The following XKR6 variants were observed in gnomAD, a reference collection of about 807,000 sequenced individuals.
The protein encoded by XKR6 is XK-related protein 6.
In XKR6, 22 loss-of-function variants were observed where a neutral mutation model predicts 56.7. That is an observed-to-expected ratio of 0.39 (90% CI 0.28 to 0.55). The LOEUF is 0.55. Ranked by LOEUF, XKR6 falls within the 20% of genes least tolerant of loss-of-function variation. The pLI is 0.66. For missense variants in XKR6, 852 were observed against 889.0 expected, an observed-to-expected ratio of 0.96 and a Z score of 0.53; for synonymous variants, 524 against 387.8, an observed-to-expected ratio of 1.35 and a Z score of -4.13.
chr8:10,984,728 CTCTCTATA>C (rs1281810594), intron 1 of XKR6, among the ~76,000 whole-genome samples: 8 of 66,852 alleles, frequency 1.2e-4, no homozygotes, highest in East Asian at 4.6e-4. Context: ...CTCTCTCTCT[CTCTCTATA>C]TATATATATA....
chr8:11,132,428 G>A (rs1469469391), intron 1 of XKR6, among the ~76,000 whole-genome samples: 2 of 151,306 alleles, frequency 1.3e-5, no homozygotes, highest in Admixed American at 6.6e-5. Context: ...GTGCAATCTC[G>A]GATCGCTCAC....
Position 11,123,009 on chromosome 8 carries a change from G to C in XKR6, c.764+77567C>G, listed in dbSNP as rs567442390. ...CCCAGCACTTTGGGAGGCCGAGGTG[G>C]GTGGATCACCTGAAATCAGGAGTTC... On this transcript the variant is annotated intron_variant, in intron 1 of 2. Transcript: ENST00000416569. Among the ~76,000 whole-genome samples the C allele has an allele frequency of 5.5e-4, 84 of 152,132 alleles. 3 individuals carry two copies. The highest frequency in any genetic ancestry group is 3.4e-3 in the Middle Eastern group (1 of 294).
At position 11,201,258 on chromosome 8, in the gene XKR6, C is replaced by T. The variant is rs1324481328; in HGVS notation, c.82G>A (p.Gly28Ser). 2 of 1,573,296 alleles carry T rather than the reference C, an allele frequency of 1.3e-6. No individual in the cohort carries two copies. The highest frequency in any genetic ancestry group is 1.7e-6 in the Non-Finnish European group (2 of 1,170,058). Residue 28 changes from glycine to serine, a missense_variant, in exon 1 of 3, where the codon GGC (glycine) becomes AGC (serine). Coordinates refer to ENST00000416569, the MANE Select transcript of XKR6 (RefSeq NM_173683.4). ...HNLDEAVGSG[G>S]EEDGEPGGGG... ...CCCCCGGGCTCCCCGTCCTCCTCGC[C>T]GCCGCTGCCCACCGCCTCGTCCAGG...
At chr8:11,044,114 T>C (rs1258282364) in intron 1 of XKR6, among the ~76,000 whole-genome samples, 1 of 152,224 alleles carries the variant, frequency 6.6e-6, no homozygotes, top group Non-Finnish European at 1.5e-5. Flanking sequence ...CTGATTTCAG[T>C]AACTTTCTCC....
chr8:11,152,345 T>C (rs1586622021), intron 1 of XKR6, among the ~76,000 whole-genome samples: 1 of 152,220 alleles, frequency 6.6e-6, no homozygotes, highest in Non-Finnish European at 1.5e-5. Flanking sequence ...CATCTGGGCA[T>C]GTTGCTGGCC....
intron 1 of XKR6, among the ~76,000 whole-genome samples, chr8:11,067,902 C>T (rs1012697274): frequency 1.3e-5 from 2 of 152,240 alleles, no homozygotes; most frequent in African/African-American, 2.4e-5. Context: ...TGACTGCAGC[C>T]GCGCCCATGC....
chr8:11,055,940 A>T (rs1799672613), intron 1 of XKR6, among the ~76,000 whole-genome samples: 1 of 152,094 alleles, frequency 6.6e-6, no homozygotes, highest in African/African-American at 2.4e-5. Flanking sequence ...CAGGCAAACT[A>T]ATTTCAAGTA....
At chr8:10,927,369 C>A (rs1269830639) in intron 1 of XKR6, among the ~76,000 whole-genome samples, 1 of 152,116 alleles carries the variant, frequency 6.6e-6, no homozygotes, top group East Asian at 1.9e-4. Flanking sequence ...CCAAACCCGG[C>A]TCTCTCAACA....
At chr8:11,122,976 C>T (rs758299245) in intron 1 of XKR6, among the ~76,000 whole-genome samples, 21 of 152,270 alleles carry the variant, frequency 1.4e-4, no homozygotes, top group South Asian at 2.1e-4. Context: ...GTGGCTCACG[C>T]CTGTAATCCC....
At chr8:10,970,525 C>G (rs1228079687) in intron 1 of XKR6, among the ~76,000 whole-genome samples, 1 of 151,854 alleles carries the variant, frequency 6.6e-6, no homozygotes, top group African/African-American at 2.4e-5. Context: ...CTGTCACAGC[C>G]CAGAAATGCC....
At chr8:11,038,497 TTGTGTGTGTGTGTGTGTGTGTGTGTGTG>T (rs34388531) in intron 1 of XKR6, among the ~76,000 whole-genome samples, 1 of 130,124 alleles carries the variant, frequency 7.7e-6, no homozygotes, top group African/African-American at 2.9e-5. Context: ...TGTAGTCATT[TTGTGTGTGTGTGTGTGTGTGTGTGTGTG>T]TGTGTGTGTG....
At chr8:10,997,199 A>G (rs1156631981) in intron 1 of XKR6, among the ~76,000 whole-genome samples, 3 of 152,184 alleles carry the variant, frequency 2.0e-5, no homozygotes, top group Non-Finnish European at 4.4e-5. Flanking sequence ...TAGCAAAGAC[A>G]CACAGAGCAC....
chr8:10,942,067 A>G (rs971411222), intron 1 of XKR6, among the ~76,000 whole-genome samples: 3 of 152,108 alleles, frequency 2.0e-5, no homozygotes, highest in Admixed American at 6.6e-5. Context: ...TACTCAAACC[A>G]TCTTTACTCT....
At chr8:11,106,564 G>A (rs961760303) in intron 1 of XKR6, 1 of 152,458 alleles carries the variant, frequency 6.6e-6, no homozygotes, top group African/African-American at 2.4e-5. Context: ...AAGATACAAT[G>A]CTGGCCGGGC....
chr8:11,173,650 T>C (rs943735841), intron 1 of XKR6, among the ~76,000 whole-genome samples: 10 of 152,182 alleles, frequency 6.6e-5, no homozygotes, highest in South Asian at 2.1e-4. Context: ...GTCCTGTACA[T>C]GGGAAACTCC....
At chr8:11,121,896 G>A (rs1156321234) in intron 1 of XKR6, among the ~76,000 whole-genome samples, 1 of 152,206 alleles carries the variant, frequency 6.6e-6, no homozygotes, top group African/African-American at 2.4e-5. Flanking sequence ...GGACGTGGAT[G>A]AAGCTGGAAA....
At chr8:11,195,006 A>T in intron 1 of XKR6, 4 of 587,406 alleles carry the variant, frequency 6.8e-6, no homozygotes, top group Non-Finnish European at 1.2e-5. Flanking sequence ...TGTTCACTCA[A>T]AAACAAGAAA....
intron 1 of XKR6, among the ~76,000 whole-genome samples, chr8:11,193,927 T>C (rs1438675629): frequency 1.3e-5 from 2 of 152,172 alleles, no homozygotes; most frequent in East Asian, 1.9e-4. Flanking sequence ...ATTCACAAAA[T>C]TAGCTGATAA....
chr8:11,050,796 C>T (rs1368297618), intron 1 of XKR6, among the ~76,000 whole-genome samples: 1 of 152,116 alleles, frequency 6.6e-6, no homozygotes, highest in African/African-American at 2.4e-5. Context: ...ATGACCATGT[C>T]CCCAGAACCA....
Sources: allele counts gnomAD v4.1 joint callset (sites outside exome capture counted in the v4.1 genomes callset), GRCh38; gene constraint gnomAD v4.1.1; transcripts MANE v1.5; gene names NCBI Gene and HGNC (gene_info 2026-07-23, HGNC 2026-07-21).